The following FHOD3 variants were observed in gnomAD, a reference collection of about 807,000 sequenced individuals.
FHOD3 encodes the protein FH1/FH2 domain-containing protein 3.
A neutral mutation model predicts 173.0 loss-of-function variants in FHOD3; 90 were observed. That is an observed-to-expected ratio of 0.52 (90% CI 0.44 to 0.62). FHOD3 has a LOEUF of 0.62. Ranked by LOEUF, FHOD3 falls within the 20% of genes least tolerant of loss-of-function variation. The pLI, the probability that FHOD3 is intolerant of heterozygous loss-of-function variation, is 0.00. For synonymous variants in FHOD3, 828 were observed against 823.0 expected (o/e 1.01, Z -0.10); for missense variants, 1,945 against 2,034.7 (o/e 0.96, Z 0.85).
intron 3 of FHOD3, among the ~76,000 whole-genome samples, chr18:36,460,456 C>T (rs1016538395): frequency 6.6e-6 from 1 of 152,190 alleles, no homozygotes; most frequent in South Asian, 2.1e-4. Context: ...ACCATGCAAA[C>T]GTGAGGCACT....
intron 20 of FHOD3, among the ~76,000 whole-genome samples, chr18:36,739,617 G>GTTTA (rs2041808245): frequency 2.0e-5 from 3 of 152,100 alleles, no homozygotes; most frequent in African/African-American, 7.2e-5. Context: ...CTCTCCATGT[G>GTTTA]TTTATTATTT....
intron 17 of FHOD3, among the ~76,000 whole-genome samples, chr18:36,708,880 C>G (rs1272934647): frequency 6.6e-6 from 1 of 152,158 alleles, no homozygotes; most frequent in Non-Finnish European, 1.5e-5. Context: ...ACCTCCATAT[C>G]GTAAGGTCAC....
At chr18:36,409,516 G>A (rs1004102394) in intron 3 of FHOD3, among the ~76,000 whole-genome samples, 9 of 152,086 alleles carry the variant, frequency 5.9e-5, no homozygotes, top group Non-Finnish European at 1.0e-4. Flanking sequence ...GAACCTTCCC[G>A]TGTTATTGTT....
chr18:36,401,845 C>G lies in FHOD3; in HGVS notation c.337+29101C>G, dbSNP rs113315107. 9.1e-3 allele frequency among the ~76,000 whole-genome samples: 1,381 copies of G among 152,256 alleles called. 21 individuals carry two copies. Among genetic ancestry groups the G allele is most frequent in the African/African-American group, 0.032 (1,320 of 41,534 alleles). On this transcript the variant is annotated intron_variant, in intron 3 of 28. Coordinates refer to ENST00000590592, the MANE Select transcript of FHOD3 (RefSeq NM_001281740.3). ...TACTGGCTAAGCAGACCTGAAGGAC[C>G]ATTTTTACCAATTCATTGATTTACA...
chr18:36,355,641 G>A lies in FHOD3; in HGVS notation c.268G>A (p.Ala90Thr), dbSNP rs761883424. Residue 90 changes from alanine to threonine, a missense_variant, in exon 2 of 29, where the codon GCC becomes ACC. Transcript: ENST00000590592. The stretch of plus-strand genomic sequence containing the variant: ...TGAGTTGGAAGGCTTCCAGGATGAC[G>A]CCGGGTAAGAGCAACTGTTCACCCT... ...RDELEGFQDD[A>T]GRGKKHSIIL... The A allele has an allele frequency of 9.9e-6, 16 of 1,613,664 alleles. No individual in the cohort carries two copies. The highest frequency in any genetic ancestry group is 3.3e-5 in the Admixed American group (2 of 59,986).
chr18:36,626,627 A>G (rs921848298), intron 10 of FHOD3, among the ~76,000 whole-genome samples: 2 of 152,078 alleles, frequency 1.3e-5, no homozygotes, highest in Admixed American at 6.5e-5. Context: ...TGACTAACAC[A>G]TTCCCATCCT....
chr18:36,771,245 G>T (rs1034281186), intron 28 of FHOD3, among the ~76,000 whole-genome samples: 7 of 152,088 alleles, frequency 4.6e-5, no homozygotes, highest in Non-Finnish European at 7.4e-5. Flanking sequence ...GGTGATTCAT[G>T]TTCATAATAA....
rs74794312 is a variant in FHOD3, at chr18:36,540,347, A to G, written c.511+27804A>G. 6.5e-3 allele frequency among the ~76,000 whole-genome samples: 989 copies of G among 152,312 alleles called. 11 individuals carry two copies. Among genetic ancestry groups the G allele is most frequent in the African/African-American group, 0.023 (939 of 41,562 alleles). ...TGGTGACTGGAAGTTAGTAGAGTAA[A>G]TGCCTCCATGAACAAAGACGTTGTG... On this transcript the variant is annotated intron_variant, in intron 5 of 28. Coordinates refer to ENST00000590592, the MANE Select transcript of FHOD3 (RefSeq NM_001281740.3).
chr18:36,732,992 G>A (rs1170625640), intron 20 of FHOD3, among the ~76,000 whole-genome samples: 1 of 152,206 alleles, frequency 6.6e-6, no homozygotes, highest in Non-Finnish European at 1.5e-5. Flanking sequence ...ATTTAGTACG[G>A]ATTAAATGAC....
At chr18:36,359,879 C>T (rs1173641525) in intron 2 of FHOD3, among the ~76,000 whole-genome samples, 6 of 152,194 alleles carry the variant, frequency 3.9e-5, no homozygotes, top group Admixed American at 3.9e-4. Context: ...ACATAATACA[C>T]ACTCAAAACT....
At chr18:36,385,299 G>A (rs1283535496) in intron 3 of FHOD3, among the ~76,000 whole-genome samples, 1 of 152,186 alleles carries the variant, frequency 6.6e-6, no homozygotes, top group Admixed American at 6.5e-5. Context: ...ACAAAATGGA[G>A]TTGGCCAACC....
chr18:36,611,022 C>T (rs1210203258), intron 8 of FHOD3, among the ~76,000 whole-genome samples: 4 of 152,216 alleles, frequency 2.6e-5, no homozygotes, highest in African/African-American at 9.6e-5. Flanking sequence ...AGATACCCTC[C>T]TTCTCTTAAG....
At chr18:36,687,833 TA>T (rs989150325) in intron 16 of FHOD3, among the ~76,000 whole-genome samples, 270 of 152,368 alleles carry the variant, frequency 1.8e-3, no homozygotes, top group African/African-American at 6.3e-3. Flanking sequence ...CTACTTCATT[TA>T]TGGTACGAAT....
chr18:36,691,761 G>A (rs545124773), intron 16 of FHOD3, among the ~76,000 whole-genome samples: 1 of 152,372 alleles, frequency 6.6e-6, no homozygotes, highest in East Asian at 1.9e-4. Flanking sequence ...GGCTGCAGGT[G>A]GACCTCTGCA....
intron 3 of FHOD3, among the ~76,000 whole-genome samples, chr18:36,461,823 G>T (rs1176067532): frequency 6.6e-6 from 1 of 152,180 alleles, no homozygotes; most frequent in Non-Finnish European, 1.5e-5. Flanking sequence ...AAGGAAGGGG[G>T]TGATGTAGTG....
chr18:36,466,949 T>G (rs1599249029), intron 3 of FHOD3, among the ~76,000 whole-genome samples: 1 of 152,100 alleles, frequency 6.6e-6, no homozygotes, highest in South Asian at 2.1e-4. Context: ...GCTAGGTAGG[T>G]ACCTGGAATT....
At chr18:36,298,090 C>G (rs1478485553) in intron 1 of FHOD3, 90 bp downstream of exon 1, 7 of 1,156,966 alleles carry the variant, frequency 6.1e-6, no homozygotes, top group Non-Finnish European at 6.9e-6. Context: ...CGTGGGCCCC[C>G]TGGGCTGGGC....
chr18:36,307,276 T>C (rs186522971), intron 1 of FHOD3, among the ~76,000 whole-genome samples: 4 of 152,338 alleles, frequency 2.6e-5, no homozygotes, highest in Admixed American at 6.5e-5. Context: ...CTTTATTTTT[T>C]AGAAGTCCAT....
intron 10 of FHOD3, among the ~76,000 whole-genome samples, chr18:36,644,322 A>C (rs2149020568): frequency 6.6e-6 from 1 of 152,396 alleles, no homozygotes; most frequent in South Asian, 2.1e-4. Context: ...CAAAGTTGTC[A>C]GAATTAATTA....
Sources: allele counts gnomAD v4.1 joint callset (sites outside exome capture counted in the v4.1 genomes callset), GRCh38; gene constraint gnomAD v4.1.1; transcripts MANE v1.5; gene names NCBI Gene and HGNC (gene_info 2026-07-23, HGNC 2026-07-21).